GALK2: variants seen among roughly 807,000 people sequenced by gnomAD.
The protein encoded by GALK2 is N-acetylgalactosamine kinase.
Under a neutral mutation model 52.4 loss-of-function variants are expected in GALK2, and 36 were observed. That is an observed-to-expected ratio of 0.69 (90% CI 0.53 to 0.91). The LOEUF is 0.91. Among genes scored for constraint, GALK2 ranks in the 40% least tolerant of loss-of-function variants. The pLI, the probability that GALK2 is intolerant of heterozygous loss-of-function variation, is 0.00. For synonymous variants in GALK2, 176 were observed against 199.1 expected (o/e 0.88, Z 0.98); for missense variants, 579 against 559.1 (o/e 1.04, Z -0.36).
intron 1 of GALK2, among the ~76,000 whole-genome samples, chr15:49,186,301 A>G (rs1390889210): frequency 6.6e-6 from 1 of 151,638 alleles, no homozygotes; most frequent in Non-Finnish European, 1.5e-5. Flanking sequence ...ATTCTTTTTT[A>G]TTCTTTTTTC....
chr15:49,235,934 G>A lies in GALK2; in HGVS notation c.350G>A (p.Gly117Glu). The change falls in exon 4 of 10, where the codon GGA becomes GAA. Residue 117 changes from glycine to glutamate, a missense_variant. Gly to Glu is a moderately conservative substitution (Grantham distance 98). Coordinates refer to ENST00000560031, the MANE Select transcript of GALK2 (RefSeq NM_002044.4). The part of the protein sequence containing the change: ...WHNYFLCGLK[G>E]IQEHFGLSNL... ...AACTATTTCTTATGTGGACTTAAAG[G>A]AATTCAGGTAAATTGGTTTATAAGG... is the stretch of plus-strand genomic sequence containing the variant. 1.9e-6 allele frequency: 3 copies of A among 1,605,536 alleles called. No homozygotes were observed. The highest frequency in any genetic ancestry group is 1.1e-5 in the South Asian group (1 of 90,894).
At chr15:49,242,661 C>G (rs2091156960) in intron 5 of GALK2, among the ~76,000 whole-genome samples, 1 of 152,106 alleles carries the variant, frequency 6.6e-6, no homozygotes, top group African/African-American at 2.4e-5. Context: ...CATTAATATA[C>G]TAAATGTTGC....
intron 3 of GALK2, chr15:49,366,136 C>G: frequency 1.0e-6 from 1 of 979,690 alleles, no homozygotes; most frequent in Non-Finnish European, 1.7e-6. Context: ...CACCTAATGC[C>G]ACAGTGAACA....
intron 5 of GALK2, among the ~76,000 whole-genome samples, chr15:49,256,693 A>T (rs1306565305): frequency 6.6e-6 from 1 of 152,128 alleles, no homozygotes; most frequent in East Asian, 1.9e-4. Flanking sequence ...CCCTTGATTA[A>T]AGCTCCTTGG....
intron 8 of GALK2, chr15:49,319,056 TTCTCCCACTTCAGTC>T: frequency 2.4e-6 from 1 of 408,404 alleles, no homozygotes; most frequent in South Asian, 1.9e-5. Flanking sequence ...GTTCAAGCAA[TTCTCCCACTTCAGTC>T]TCTCAAATAG....
intron 3 of GALK2, among the ~76,000 whole-genome samples, chr15:49,342,078 G>A (rs2040822958): frequency 6.6e-6 from 1 of 152,054 alleles, no homozygotes. Flanking sequence ...CAAGTCCTGA[G>A]TTTTTTTGTT....
Position 49,283,699 on chromosome 15 carries a change from A to C in GALK2, c.737A>C (p.Glu246Ala). The C allele has an allele frequency of 6.2e-7, 1 of 1,613,916 alleles. No homozygotes were observed. The highest frequency in any genetic ancestry group is 8.5e-7 in the Non-Finnish European group (1 of 1,179,876). ...TCCCATTTCAATATCAGGGTGATGG[A>C]GTGTCGGCTGGCTGCGAAGGTATGA... is the stretch of plus-strand genomic sequence containing the variant. ...ATSHFNIRVM[E>A]CRLAAKLLAK... Residue 246 changes from glutamate to alanine, a missense_variant, in exon 7 of 10, where the codon GAG (glutamate) becomes GCG (alanine). Glu to Ala is a moderately radical substitution (Grantham distance 107). Transcript: ENST00000560031.
chr15:49,338,160 G>A (rs1371583669), intron 3 of GALK2, among the ~76,000 whole-genome samples: 1 of 152,138 alleles, frequency 6.6e-6, no homozygotes, highest in African/African-American at 2.4e-5. Context: ...TGTGTGAACT[G>A]GATCCTGCCA....
At chr15:49,294,703 G>A (rs2034297527) in intron 8 of GALK2, among the ~76,000 whole-genome samples, 1 of 152,132 alleles carries the variant, frequency 6.6e-6, no homozygotes, top group Admixed American at 6.5e-5. Context: ...TCTAATTGGG[G>A]GAGAGTGCCA....
intron 3 of GALK2, among the ~76,000 whole-genome samples, chr15:49,351,928 T>A (rs185152239): frequency 6.6e-6 from 1 of 152,310 alleles, no homozygotes; most frequent in African/African-American, 2.4e-5. Context: ...CTTAGGGGCA[T>A]AAAGCAACTC....
At chr15:49,216,677 G>T (rs1050731673) in intron 2 of GALK2, among the ~76,000 whole-genome samples, 3 of 152,218 alleles carry the variant, frequency 2.0e-5, no homozygotes, top group Admixed American at 2.0e-4. Flanking sequence ...TGGGACTCAG[G>T]TTCCTCCTGC....
chr15:49,331,744 A>G lies in GALK2; in HGVS notation c.*3585A>G. On this transcript the variant is annotated 3_prime_UTR_variant, in exon 10 of 10. Transcript: ENST00000560031. Reference sequence around the variant, plus strand: ...CCAGTCTATATAAAAGAAGCTAGAGAGAGAATTCTCAATTATTTTCAGAAA... The same window carrying G: ...CCAGTCTATATAAAAGAAGCTAGAGGGAGAATTCTCAATTATTTTCAGAAA... 1 of 1,264,570 alleles carries G rather than the reference A, an allele frequency of 7.9e-7. No homozygotes were observed. Among genetic ancestry groups the G allele is most frequent in the Non-Finnish European group, 1.2e-6 (1 of 861,832 alleles). The allele number at this position is 1,264,570 out of a possible 1,614,324, so 78.3% of individuals were successfully genotyped here. A position where few individuals can be genotyped will look rare whatever the true frequency, so the allele number is the denominator to read the frequency against.
At chr15:49,198,877 C>G (rs919967195) in intron 1 of GALK2, 2 of 120,208 alleles carry the variant, frequency 1.7e-5, no homozygotes, top group African/African-American at 6.0e-5. Context: ...CTTCCTTCCT[C>G]TTTCATTCTT....
chr15:49,196,836 A>T (rs927685328), intron 1 of GALK2, among the ~76,000 whole-genome samples: 1 of 152,226 alleles, frequency 6.6e-6, no homozygotes, highest in Non-Finnish European at 1.5e-5. Context: ...CAGCATTAAG[A>T]AATATCCTTC....
intron 9 of GALK2, 82 bp downstream of exon 9, chr15:49,319,887 T>C: frequency 8.3e-7 from 1 of 1,198,734 alleles, no homozygotes; most frequent in Non-Finnish European, 1.2e-6. Flanking sequence ...CATTTCATAA[T>C]CTACGGGAAT....
intron 5 of GALK2, among the ~76,000 whole-genome samples, chr15:49,243,779 A>G (rs556964177): frequency 2.4e-4 from 37 of 152,232 alleles, no homozygotes; most frequent in African/African-American, 8.9e-4. Context: ...AACCAACGGT[A>G]AGATAGAGCT....
downstream of GALK2, among the ~76,000 whole-genome samples, chr15:49,333,718 T>C (rs1883996605): frequency 6.6e-6 from 1 of 152,204 alleles, no homozygotes; most frequent in Admixed American, 6.5e-5. Context: ...CCTAGGGGGC[T>C]TGTCTGAAGG....
chr15:49,158,762 G>C (rs535435665), intron 1 of GALK2: 1 of 152,214 alleles, frequency 6.6e-6, no homozygotes, highest in African/African-American at 2.4e-5. Context: ...CTCCACAAAT[G>C]GTTATGTAGT....
chr15:49,217,226 C>G lies in GALK2; in HGVS notation c.179C>G (p.Pro60Arg). Residue 60 changes from proline (P) to arginine (R), a missense_variant, in exon 3 of 10, where the codon CCT becomes CGT. Coordinates refer to ENST00000560031, the MANE Select transcript of GALK2 (RefSeq NM_002044.4). ...GATTATTGTGGATATTCTGTTCTTC[C>G]TATGGCTGTAGAACAAGATGTGCTA... ...HIDYCGYSVL[P>R]MAVEQDVLIA... 1 of 1,611,258 alleles carries G rather than the reference C, an allele frequency of 6.2e-7. No homozygotes were observed. Among genetic ancestry groups the G allele is most frequent in the Non-Finnish European group, 8.5e-7 (1 of 1,177,552 alleles).
Sources: allele counts gnomAD v4.1 joint callset (sites outside exome capture counted in the v4.1 genomes callset), GRCh38; gene constraint gnomAD v4.1.1; transcripts MANE v1.5; gene names NCBI Gene and HGNC (gene_info 2026-07-23, HGNC 2026-07-21).